THSD7B: variants seen among roughly 807,000 people sequenced by gnomAD.
The protein encoded by THSD7B is thrombospondin type 1 domain containing 7B, also known as thrombospondin type-1 domain-containing protein 7B.
THSD7B carries 138 observed loss-of-function variants against 213.6 expected under a neutral mutation model. That is an observed-to-expected ratio of 0.65 (90% confidence interval 0.56 to 0.74). THSD7B has a LOEUF of 0.74. Ranked by LOEUF, THSD7B falls within the 30% of genes least tolerant of loss-of-function variation. THSD7B has a pLI of 0.00. For missense variants in THSD7B, 1,931 were observed against 1,991.5 expected (o/e 0.97, Z 0.58); for synonymous variants, 742 against 687.0 (o/e 1.08, Z -1.25).
intron 1 of THSD7B, among the ~76,000 whole-genome samples, chr2:136,854,827 T>C (rs571090550): frequency 2.8e-4 from 42 of 152,178 alleles, no homozygotes; most frequent in African/African-American, 8.7e-4. Context: ...CACAGAATCA[T>C]TGGGCACCAT....
intron 4 of THSD7B, among the ~76,000 whole-genome samples, chr2:137,097,322 C>A (rs1031556725): frequency 9.2e-5 from 14 of 152,246 alleles, no homozygotes; most frequent in Admixed American, 7.2e-4. Context: ...GTTTGTTAAA[C>A]AATGCCTACC....
intron 12 of THSD7B, among the ~76,000 whole-genome samples, chr2:137,315,249 G>A (rs867760407): frequency 2.6e-5 from 4 of 152,162 alleles, no homozygotes; most frequent in African/African-American, 4.8e-5. Context: ...CGCAGTATTC[G>A]GGTGGGAGTG....
At chr2:137,107,760 C>T (rs1270580805) in intron 4 of THSD7B, among the ~76,000 whole-genome samples, 1 of 152,158 alleles carries the variant, frequency 6.6e-6, no homozygotes, top group African/African-American at 2.4e-5. Flanking sequence ...AGTTAACGTA[C>T]TGCTAAGTGC....
intron 22 of THSD7B, 40 bp from the exon 23 acceptor site, chr2:137,656,756 T>A (rs1447091641): frequency 6.3e-7 from 1 of 1,575,644 alleles, no homozygotes; most frequent in Admixed American, 1.8e-5. Flanking sequence ...GTGCCACTTT[T>A]CATGCTGTTT....
At chr2:137,541,511 A>G (rs1331622714) in intron 15 of THSD7B, among the ~76,000 whole-genome samples, 1 of 151,752 alleles carries the variant, frequency 6.6e-6, no homozygotes, top group Non-Finnish European at 1.5e-5. Context: ...GTTAATTCAC[A>G]TATCCATCAT....
chr2:137,109,472 G>T (rs1688309583), intron 4 of THSD7B, among the ~76,000 whole-genome samples: 1 of 152,098 alleles, frequency 6.6e-6, no homozygotes, highest in African/African-American at 2.4e-5. Flanking sequence ...ACATTATAAT[G>T]AAATAATTAT....
intron 2 of THSD7B, among the ~76,000 whole-genome samples, chr2:136,936,660 G>GGACTCAGGA (rs1381361536): frequency 6.6e-6 from 1 of 152,070 alleles, no homozygotes; most frequent in African/African-American, 2.4e-5. Flanking sequence ...TTGACTTTGG[G>GGACTCAGGA]GACTCAGGAG....
rs777076301 is a variant in THSD7B at position 137,056,916 on chromosome 2, T to C, written c.636T>C (p.Phe212=). The change falls in exon 3 of 28, where the codon TTT becomes TTC. Residue 212 remains phenylalanine, a synonymous_variant. Coordinates refer to ENST00000409968, the MANE Select transcript of THSD7B (RefSeq NM_001316349.2). ...GCGCGGTCATAGCTCCCCCTCTCTT[T>C]GGTGGTTTGCAATGTCCAAATCTGA... ...RTRAVIAPPL[F]GGLQCPNLTE... 6 of 1,613,842 alleles carry C rather than the reference T, an allele frequency of 3.7e-6. No homozygotes were observed. The Admixed American group carries it at 8.3e-5, about 22-fold the overall frequency.
intron 21 of THSD7B, among the ~76,000 whole-genome samples, chr2:137,647,810 G>C (rs921771648): frequency 6.6e-6 from 1 of 152,138 alleles, no homozygotes; most frequent in African/African-American, 2.4e-5. Context: ...AGCTGTGCTT[G>C]TTTGTGAAGC....
intron 15 of THSD7B, among the ~76,000 whole-genome samples, chr2:137,479,983 G>T (rs1688270279): frequency 6.6e-6 from 1 of 152,194 alleles, no homozygotes; most frequent in Non-Finnish European, 1.5e-5. Flanking sequence ...GGAGTTCACA[G>T]TGGGAATGTG....
chr2:137,220,505 T>G (rs1364105178), intron 7 of THSD7B, among the ~76,000 whole-genome samples: 1 of 152,132 alleles, frequency 6.6e-6, no homozygotes, highest in African/African-American at 2.4e-5. Context: ...ATGACAACAA[T>G]TCAATAAAGA....
intron 9 of THSD7B, among the ~76,000 whole-genome samples, chr2:137,240,854 G>C (rs566995512): frequency 2.0e-5 from 3 of 151,966 alleles, no homozygotes; most frequent in South Asian, 4.2e-4. Context: ...TTTGCATGTT[G>C]GTCATTTTGT....
chr2:137,144,717 A>G (rs1216411780), intron 5 of THSD7B, among the ~76,000 whole-genome samples: 1 of 152,044 alleles, frequency 6.6e-6, no homozygotes, highest in African/African-American at 2.4e-5. Flanking sequence ...TTGCAACCTA[A>G]TTGGGAAGGA....
At chr2:136,823,873 A>C (rs781644144) in intron 1 of THSD7B, among the ~76,000 whole-genome samples, 2 of 152,192 alleles carry the variant, frequency 1.3e-5, no homozygotes, top group African/African-American at 2.4e-5. Context: ...AAATTGACCA[A>C]GGTGTAGCAA....
intron 5 of THSD7B, among the ~76,000 whole-genome samples, chr2:137,123,513 T>C (rs932479582): frequency 7.2e-5 from 11 of 152,190 alleles, no homozygotes; most frequent in African/African-American, 2.7e-4. Context: ...TTTTCTTTGC[T>C]TTACTCCTGT....
intron 15 of THSD7B, among the ~76,000 whole-genome samples, chr2:137,476,508 A>G (rs934068853): frequency 6.6e-6 from 1 of 152,112 alleles, no homozygotes; most frequent in Non-Finnish European, 1.5e-5. Flanking sequence ...GGTGAGAGAT[A>G]GGGGTCTAGA....
At chr2:137,068,871 A>G (rs1295374516) in intron 3 of THSD7B, among the ~76,000 whole-genome samples, 5 of 152,006 alleles carry the variant, frequency 3.3e-5, no homozygotes, top group Non-Finnish European at 7.4e-5. Flanking sequence ...CTTTACTTCT[A>G]TAATGTAAAC....
At chr2:137,574,645 G>A (rs1681421836) in intron 17 of THSD7B, among the ~76,000 whole-genome samples, 1 of 152,084 alleles carries the variant, frequency 6.6e-6, no homozygotes, top group Admixed American at 6.6e-5. Context: ...ATGCTATGCT[G>A]TACTTTCCCA....
chr2:137,627,137 C>T (rs1682646546), intron 20 of THSD7B, among the ~76,000 whole-genome samples: 1 of 152,116 alleles, frequency 6.6e-6, no homozygotes, highest in Admixed American at 6.5e-5. Context: ...AGCAAGAAGC[C>T]AAGAAAGCCA....
Sources: allele counts gnomAD v4.1 joint callset (sites outside exome capture counted in the v4.1 genomes callset), GRCh38; gene constraint gnomAD v4.1.1; transcripts MANE v1.5; gene names NCBI Gene and HGNC (gene_info 2026-07-23, HGNC 2026-07-21).